Variants in PRKN observed in about 807,000 individuals in gnomAD.
PRKN encodes the protein E3 ubiquitin-protein ligase parkin.
Under a neutral mutation model 59.5 loss-of-function variants are expected in PRKN, and 56 were observed. The observed-to-expected ratio is 0.94, with a 90% CI of 0.76 to 1.18. The LOEUF is 1.18. PRKN is among the 50% of genes most tolerant of loss of function. The pLI is 0.00. For synonymous variants in PRKN, 250 were observed against 222.1 expected (o/e 1.13, Z -1.12); for missense variants, 657 against 596.4 (o/e 1.10, Z -1.06).
At chr6:162,161,877 AT>A (rs1221290028) in intron 4 of PRKN, among the ~76,000 whole-genome samples, 2 of 152,126 alleles carry the variant, frequency 1.3e-5, no homozygotes, top group African/African-American at 4.8e-5. Context: ...TAATTATTCT[AT>A]TTTATGATTA....
chr6:162,013,662 T>C (rs1782822418), intron 5 of PRKN, among the ~76,000 whole-genome samples: 1 of 152,202 alleles, frequency 6.6e-6, no homozygotes. Flanking sequence ...TCAATATCTG[T>C]AGCTTCCTTC....
chr6:162,701,030 G>GTA (rs1336188630), intron 1 of PRKN, among the ~76,000 whole-genome samples: 1 of 152,086 alleles, frequency 6.6e-6, no homozygotes, highest in Non-Finnish European at 1.5e-5. Flanking sequence ...GGTTTTGTTT[G>GTA]TAAAGGCTCG....
intron 3 of PRKN, among the ~76,000 whole-genome samples, chr6:162,213,490 G>A (rs1777491396): frequency 2.6e-5 from 4 of 152,130 alleles, no homozygotes; most frequent in Admixed American, 1.3e-4. Context: ...CAGTTTGGGA[G>A]GCTGAGACAA....
intron 4 of PRKN, among the ~76,000 whole-genome samples, chr6:162,133,757 C>T (rs908483813): frequency 1.3e-5 from 2 of 152,000 alleles, no homozygotes; most frequent in African/African-American, 4.8e-5. Flanking sequence ...GCCCATGTGG[C>T]CGGTGTGCAT....
intron 4 of PRKN, among the ~76,000 whole-genome samples, chr6:162,104,148 C>T (rs1023211003): frequency 6.6e-6 from 1 of 152,158 alleles, no homozygotes; most frequent in Non-Finnish European, 1.5e-5. Context: ...TTGTCTTGTG[C>T]CCTGCACTCC....
rs555085154 is a variant in PRKN at position 161,364,816 on chromosome 6, C to T, written c.1168-4611G>A. Among the ~76,000 whole-genome samples, 3 of 151,546 alleles carry T rather than the reference C, an allele frequency of 2.0e-5. No homozygotes were observed. In the East Asian group the frequency reaches 5.9e-4, roughly 30 times the overall value. On this transcript the variant is annotated intron_variant, in intron 10 of 11. Coordinates refer to ENST00000366898, the MANE Select transcript of PRKN (RefSeq NM_004562.3). ...AAAAAGTAGCTGGGTGTGGTGCCCACACTACTCGAAAGGCTGAGGCAGGAG... is the reference window on the plus strand; with the variant it reads ...AAAAAGTAGCTGGGTGTGGTGCCCATACTACTCGAAAGGCTGAGGCAGGAG...
intron 2 of PRKN, among the ~76,000 whole-genome samples, chr6:162,391,720 G>C (rs1279022840): frequency 6.6e-6 from 1 of 152,092 alleles, no homozygotes; most frequent in African/African-American, 2.4e-5. Flanking sequence ...TTGACAGCTG[G>C]GTCTCCACAC....
At position 161,801,350 on chromosome 6, in the gene PRKN, C is replaced by T. The variant is rs377588585; in HGVS notation, c.735-15442G>A. 8.5e-5 allele frequency among the ~76,000 whole-genome samples: 13 copies of T among 152,214 alleles called. No individual in the cohort carries two copies. The East Asian group carries it at 9.6e-4, about 11-fold the overall frequency. Reference sequence around the variant, plus strand: ...TTTGGGATGTCCCAGCGAAGATGTGCAGAAGTCAGTTTAGTTCACGGTTCT... The same window carrying T: ...TTTGGGATGTCCCAGCGAAGATGTGTAGAAGTCAGTTTAGTTCACGGTTCT... On this transcript the variant is annotated intron_variant, in intron 6 of 11. Transcript: ENST00000366898.
chr6:162,727,733 G>C lies in PRKN; in HGVS notation c.-65C>G, dbSNP rs112155221. 5.3e-6 allele frequency: 8 copies of C among 1,512,310 alleles called. No individual in the cohort carries two copies. The highest frequency in any genetic ancestry group is 6.3e-6 in the Non-Finnish European group (7 of 1,113,024). 93.7% of individuals were successfully genotyped at this position (1,512,310 alleles called of 1,614,324 possible). On this transcript the variant is annotated 5_prime_UTR_variant, in exon 1 of 12. Transcript: ENST00000366898. The stretch of plus-strand genomic sequence containing the variant: ...CCATGCGCGCAGCGGCGCCAGCCGC[G>C]CCTCCCACCAGCGGCTCTCCTGGGT...
At chr6:162,634,359 G>A (rs1042042250) in intron 1 of PRKN, among the ~76,000 whole-genome samples, 4 of 152,084 alleles carry the variant, frequency 2.6e-5, no homozygotes, top group Non-Finnish European at 5.9e-5. Context: ...GCCAGGCATG[G>A]TAGCTCACAC....
intron 4 of PRKN, among the ~76,000 whole-genome samples, chr6:162,159,356 T>A (rs188643452): frequency 2.0e-5 from 3 of 152,348 alleles, no homozygotes; most frequent in East Asian, 1.9e-4. Context: ...CTTGGCAATT[T>A]AATTTTAAAA....
At chr6:162,252,675 C>G (rs899978386) in intron 3 of PRKN, among the ~76,000 whole-genome samples, 1 of 152,206 alleles carries the variant, frequency 6.6e-6, no homozygotes, top group African/African-American at 2.4e-5. Flanking sequence ...AACCAGCAAG[C>G]AGCCTTCGGC....
chr6:161,820,351 C>T (rs867884630), intron 6 of PRKN, among the ~76,000 whole-genome samples: 12 of 151,700 alleles, frequency 7.9e-5, no homozygotes, highest in South Asian at 2.1e-4. Flanking sequence ...TTCAACACAG[C>T]AACTCCTAGT....
intron 9 of PRKN, among the ~76,000 whole-genome samples, chr6:161,416,675 G>A (rs1787868399): frequency 6.6e-6 from 1 of 152,122 alleles, no homozygotes; most frequent in African/African-American, 2.4e-5. Context: ...AAACCAGGCA[G>A]GGAAAAAGGC....
chr6:162,280,873 G>A (rs1326030961), intron 2 of PRKN, among the ~76,000 whole-genome samples: 1 of 149,008 alleles, frequency 6.7e-6, no homozygotes, highest in Admixed American at 6.7e-5. Flanking sequence ...AGGAGACAGA[G>A]ACATGAAAAA....
At chr6:161,494,474 A>G (rs1251392570) in intron 9 of PRKN, among the ~76,000 whole-genome samples, 1 of 152,356 alleles carries the variant, frequency 6.6e-6, no homozygotes, top group East Asian at 1.9e-4. Context: ...TACATTCTGC[A>G]TTCAAGAAAC....
At position 161,538,875 on chromosome 6, in the gene PRKN, T is replaced by G. The variant is rs1779518892; in HGVS notation, c.1083+9979A>C. Among the ~76,000 whole-genome samples the G allele has an allele frequency of 6.6e-6, 1 of 152,128 alleles. No homozygotes were observed. The highest frequency in any genetic ancestry group is 2.4e-5 in the African/African-American group (1 of 41,426). ...AAATGCCTGTCACTCTAGTCCTGAG[T>G]GCTCATTCTGTGTGGGCTCCCTTGA... On this transcript the variant is annotated intron_variant, in intron 9 of 11. Coordinates refer to ENST00000366898, the MANE Select transcript of PRKN (RefSeq NM_004562.3). This position sits in a 1 kb window ranked among gnomAD's most constrained non-coding sequence, Gnocchi z 4.2.
chr6:162,274,164 A>AATTAATTT (rs1554293993), intron 2 of PRKN, among the ~76,000 whole-genome samples: 16 of 151,370 alleles, frequency 1.1e-4, no homozygotes, highest in African/African-American at 3.9e-4. Flanking sequence ...TTAATTAATT[A>AATTAATTT]ATTTATTAAT....
intron 6 of PRKN, among the ~76,000 whole-genome samples, chr6:161,828,163 C>T (rs1404356375): frequency 1.3e-5 from 2 of 152,148 alleles, no homozygotes; most frequent in Admixed American, 1.3e-4. Context: ...GAGTAACCTG[C>T]AAAATACTGT....
Sources: allele counts gnomAD v4.1 joint callset (sites outside exome capture counted in the v4.1 genomes callset), GRCh38; gene constraint gnomAD v4.1.1; non-coding constraint Gnocchi (gnomAD v3.1); transcripts MANE v1.5; gene names NCBI Gene and HGNC (gene_info 2026-07-23, HGNC 2026-07-21).